The following SCAPER variants were observed in gnomAD, a reference collection of about 807,000 sequenced individuals.
SCAPER encodes S-phase cyclin A associated protein in the ER.
A neutral mutation model predicts 182.2 loss-of-function variants in SCAPER; 98 were observed. The observed-to-expected ratio is 0.54, with a 90% CI of 0.46 to 0.64. SCAPER has a LOEUF of 0.64. Among genes scored for constraint, SCAPER ranks in the 30% least tolerant of loss-of-function variants. SCAPER has a pLI of 0.00. For synonymous variants in SCAPER, 605 were observed against 564.6 expected (o/e 1.07, Z -1.01); for missense variants, 1,432 against 1,690.0 (o/e 0.85, Z 2.68).
Position 76,679,123 on chromosome 15 carries a change from T to C in SCAPER, c.2509-13334A>G, listed in dbSNP as rs546887249. Among the ~76,000 whole-genome samples, 4 of 152,298 alleles carry C rather than the reference T, an allele frequency of 2.6e-5. No homozygotes were observed. The East Asian group carries it at 7.7e-4, about 29-fold the overall frequency. On this transcript the variant is annotated intron_variant, in intron 20 of 31. Transcript: ENST00000563290. ...TCAAATAAAGTATCCACAGACAGTA[T>C]TCAAACACTATTCAAAAATGAAGAC...
At position 76,404,594 on chromosome 15, in the gene SCAPER, C is replaced by T; in HGVS notation, c.3397G>A (p.Ala1133Thr). Residue 1133 changes from alanine to threonine, a missense_variant, in exon 27 of 32, where the codon GCC (alanine) becomes ACC (threonine). Coordinates refer to ENST00000563290, the MANE Select transcript of SCAPER (RefSeq NM_020843.4). ...QGPVDENPKM[A>T]IFLQHAAGLL... ...CCTGCGGCATGCTGCAGAAATATGG[C>T]CATCTTGGGATTCTCATCCACTGGG... 6.2e-7 allele frequency: 1 copy of T among 1,613,490 alleles called. No individual in the cohort carries two copies.
intron 23 of SCAPER, among the ~76,000 whole-genome samples, chr15:76,518,888 T>A (rs2042639386): frequency 6.6e-6 from 1 of 152,378 alleles, no homozygotes; most frequent in South Asian, 2.1e-4. Flanking sequence ...TATCTGTTCT[T>A]CTTGATTTTG....
chr15:76,847,045 T>C (rs1454980531), intron 4 of SCAPER, among the ~76,000 whole-genome samples: 2 of 152,094 alleles, frequency 1.3e-5, no homozygotes, highest in African/African-American at 4.8e-5. Context: ...TCATTTGCAC[T>C]AATATGGATG....
chr15:76,837,789 G>A (rs188094097), intron 5 of SCAPER, among the ~76,000 whole-genome samples: 36 of 152,082 alleles, frequency 2.4e-4, no homozygotes, highest in Non-Finnish European at 8.8e-5. Flanking sequence ...ATACACACAC[G>A]AGCATATGAA....
chr15:76,621,741 G>T, intron 22 of SCAPER, 23 bp downstream of exon 22: 1 of 1,586,132 alleles, frequency 6.3e-7, no homozygotes, highest in Non-Finnish European at 8.6e-7. Flanking sequence ...AAGAAAAGGA[G>T]AACTAAAATG....
chr15:76,459,147 C>T (rs1340592248), intron 25 of SCAPER, among the ~76,000 whole-genome samples: 1 of 152,260 alleles, frequency 6.6e-6, no homozygotes. Flanking sequence ...CTGCCTTGGC[C>T]TTCCAAATTG....
intron 20 of SCAPER, among the ~76,000 whole-genome samples, chr15:76,700,716 T>C (rs2058895080): frequency 6.6e-6 from 1 of 152,140 alleles, no homozygotes; most frequent in Admixed American, 6.5e-5. Flanking sequence ...TAAAATACTA[T>C]TCAACTACAG....
At chr15:76,830,101 G>C (rs1042901499) in intron 5 of SCAPER, among the ~76,000 whole-genome samples, 4 of 152,142 alleles carry the variant, frequency 2.6e-5, no homozygotes, top group Non-Finnish European at 5.9e-5. Flanking sequence ...TGTTGGGCAA[G>C]GAGAAGGAGG....
At chr15:76,415,110 C>G (rs1014739139) in intron 26 of SCAPER, among the ~76,000 whole-genome samples, 1 of 152,158 alleles carries the variant, frequency 6.6e-6, no homozygotes, top group African/African-American at 2.4e-5. Flanking sequence ...GCATAGCTAT[C>G]AGACTGACAA....
chr15:76,678,457 G>A (rs1408044640), intron 20 of SCAPER, among the ~76,000 whole-genome samples: 2 of 151,902 alleles, frequency 1.3e-5, no homozygotes, highest in African/African-American at 4.8e-5. Context: ...GTATACCACC[G>A]CTTTAAGCCT....
chr15:76,807,910 T>G (rs1023082066), intron 5 of SCAPER, among the ~76,000 whole-genome samples: 1 of 152,158 alleles, frequency 6.6e-6, no homozygotes, highest in Non-Finnish European at 1.5e-5. Flanking sequence ...GTGTAAATTT[T>G]CATTTTACAA....
At chr15:76,751,888 T>G (rs1400703003) in intron 15 of SCAPER, among the ~76,000 whole-genome samples, 1 of 151,702 alleles carries the variant, frequency 6.6e-6, no homozygotes, top group Non-Finnish European at 1.5e-5. Context: ...TTGGACTTTG[T>G]GAAAATTAAA....
At chr15:76,792,942 T>C (rs2046416) in intron 8 of SCAPER, among the ~76,000 whole-genome samples, 6,754 of 152,318 alleles carry the variant, frequency 0.044, 325 homozygotes, top group African/African-American at 0.12. Context: ...CAGTTGTGCC[T>C]CCTCTTTTTA....
intron 22 of SCAPER, among the ~76,000 whole-genome samples, chr15:76,583,457 G>T (rs535904977): frequency 2.6e-5 from 4 of 151,892 alleles, no homozygotes; most frequent in Non-Finnish European, 5.9e-5. Context: ...GCATAGCAGA[G>T]GAACGAATCA....
rs112808196 is a variant in SCAPER at position 76,621,261 on chromosome 15, T to C, written c.2711+503A>G. Among the ~76,000 whole-genome samples, 231 of 152,320 alleles carry C rather than the reference T, an allele frequency of 1.5e-3. 2 individuals are homozygous for C. Among genetic ancestry groups the C allele is most frequent in the African/African-American group, 4.9e-3 (204 of 41,572 alleles). ...CTTTGTTTACCTAGCTATTATTTAA[T>C]TACATTTACACCTCAATGGTGAAGT... On this transcript the variant is annotated intron_variant, in intron 22 of 31. Transcript: ENST00000563290.
intron 15 of SCAPER, among the ~76,000 whole-genome samples, chr15:76,740,536 C>A (rs1374345351): frequency 7.9e-6 from 1 of 126,788 alleles, no homozygotes; most frequent in Non-Finnish European, 1.7e-5. Flanking sequence ...TCGGCCTTCC[C>A]CACAGAAATA....
At position 76,764,003 on chromosome 15, in the gene SCAPER, A is replaced by T. The variant is rs148508436; in HGVS notation, c.1725+958T>A. On this transcript the variant is annotated intron_variant, in intron 14 of 31. Transcript: ENST00000563290. ...ATATTTATTGTGTTCTCTTGGTGGT[A>T]TCAAGTTTTCCTGATTTTTCATGTT... Among the ~76,000 whole-genome samples, 4 of 152,114 alleles carry T rather than the reference A, an allele frequency of 2.6e-5. No homozygotes were observed. The East Asian group carries it at 7.7e-4, about 29-fold the overall frequency.
At chr15:76,633,363 G>A (rs180977335) in intron 21 of SCAPER, among the ~76,000 whole-genome samples, 3 of 152,344 alleles carry the variant, frequency 2.0e-5, no homozygotes, top group East Asian at 3.9e-4. Flanking sequence ...TGTATGAGGT[G>A]TCTGGCGAAC....
intron 1 of SCAPER, among the ~76,000 whole-genome samples, chr15:76,884,921 T>C (rs903028612): frequency 6.6e-6 from 1 of 152,190 alleles, no homozygotes; most frequent in Non-Finnish European, 1.5e-5. Context: ...AAGCCAGTTA[T>C]AAAAGAACAC....
Sources: gnomAD v4.1 joint callset for allele counts (sites outside exome capture counted in the v4.1 genomes callset) on GRCh38, gnomAD v4.1.1 for gene constraint, MANE v1.5 for transcripts, NCBI Gene and HGNC (gene_info 2026-07-23, HGNC 2026-07-21) for gene names.